The following KLHL32 variants were observed in gnomAD, a reference collection of about 807,000 sequenced individuals.
KLHL32 encodes kelch like family member 32, also known as kelch-like protein 32.
KLHL32 carries 35 observed loss-of-function variants against 64.8 expected under a neutral mutation model. The observed-to-expected ratio is 0.54, with a 90% CI of 0.41 to 0.72. The LOEUF is 0.72. KLHL32 is among the 30% of genes least tolerant of loss of function. The pLI is 0.00. For missense variants in KLHL32, 589 were observed against 768.5 expected (o/e 0.77, Z 2.76); for synonymous variants, 259 against 281.0 (o/e 0.92, Z 0.78).
chr6:96,946,952 T>G (rs1429446828), intron 1 of KLHL32, among the ~76,000 whole-genome samples: 1 of 145,514 alleles, frequency 6.9e-6, no homozygotes, highest in Non-Finnish European at 1.5e-5. Context: ...TTATTAACAG[T>G]GGGCACATAT....
chr6:97,082,339 A>C (rs117130336), intron 5 of KLHL32, among the ~76,000 whole-genome samples: 3,113 of 152,140 alleles, frequency 0.02, 41 homozygotes, highest in East Asian at 0.071. Flanking sequence ...TTAGGCTGGG[A>C]GCGGTGGCTC....
chr6:96,930,820 G>A (rs1769783086), intron 1 of KLHL32, among the ~76,000 whole-genome samples: 1 of 151,916 alleles, frequency 6.6e-6, no homozygotes, highest in South Asian at 2.1e-4. Flanking sequence ...GCATCGGCCT[G>A]GTCACAAGGA....
chr6:97,010,982 A>G (rs776016227), intron 3 of KLHL32, among the ~76,000 whole-genome samples: 16 of 152,324 alleles, frequency 1.1e-4, no homozygotes, highest in Admixed American at 7.2e-4. Flanking sequence ...GATCTTTAAC[A>G]CGTACACCTG....
At chr6:96,939,829 G>A (rs548628605) in intron 1 of KLHL32, among the ~76,000 whole-genome samples, 119 of 152,212 alleles carry the variant, frequency 7.8e-4, no homozygotes, top group African/African-American at 2.8e-3. Flanking sequence ...TGATTACAGG[G>A]GAACAGTAAT....
chr6:97,109,409 T>C (rs1796828805), intron 6 of KLHL32, among the ~76,000 whole-genome samples: 1 of 152,226 alleles, frequency 6.6e-6, no homozygotes, highest in Non-Finnish European at 1.5e-5. Context: ...GCACAAAATA[T>C]TCTGTAATAC....
At chr6:97,035,696 C>T (rs1056996599) in intron 3 of KLHL32, among the ~76,000 whole-genome samples, 1 of 152,138 alleles carries the variant, frequency 6.6e-6, no homozygotes, top group Admixed American at 6.5e-5. Flanking sequence ...AAAAAATCCA[C>T]TGATGTCTTA....
intron 4 of KLHL32, among the ~76,000 whole-genome samples, chr6:97,054,297 A>G (rs977014541): frequency 1.3e-5 from 2 of 152,202 alleles, no homozygotes; most frequent in Non-Finnish European, 2.9e-5. Context: ...TTATTTTTGT[A>G]TACTTCATAA....
At position 97,127,152 on chromosome 6, in the gene KLHL32, G is replaced by T. The variant is rs1413488896; in HGVS notation, c.1355-252G>T. Among the ~76,000 whole-genome samples the T allele has an allele frequency of 2.6e-5, 4 of 152,198 alleles. No homozygotes were observed. In the South Asian group the frequency reaches 6.2e-4, roughly 24 times the overall value. ...TCATTCTGGCCATGCAGAACAGCTT[G>T]TCAGAATTGGGGTCCTCTTGGTAAT... On this transcript the variant is annotated intron_variant, in intron 7 of 10. Transcript: ENST00000369261.
At chr6:97,136,519 G>C (rs1465832444) in intron 10 of KLHL32, among the ~76,000 whole-genome samples, 1 of 152,218 alleles carries the variant, frequency 6.6e-6, no homozygotes, top group Non-Finnish European at 1.5e-5. Flanking sequence ...TTTATTTAGT[G>C]GGTGTGTAAA....
At position 97,028,856 on chromosome 6, in the gene KLHL32, C is replaced by A. The variant is rs1332616839; in HGVS notation, c.205-12636C>A. ...AGAGGCAAATTTGTGATAGATAAAA[C>A]AATGGACTTCTTTGTATGGTGGGTA... On this transcript the variant is annotated intron_variant, in intron 3 of 10. Transcript: ENST00000369261. 2.0e-5 allele frequency among the ~76,000 whole-genome samples: 3 copies of A among 152,320 alleles called. No individual in the cohort carries two copies. In the East Asian group the frequency reaches 5.8e-4, roughly 29 times the overall value.
chr6:97,139,243 A>G lies in KLHL32; in HGVS notation c.1824A>G (p.Gln608=), dbSNP rs1479096317. Residue 608 remains glutamine, a synonymous_variant, in exon 11 of 11, where the codon CAA becomes CAG. Transcript: ENST00000369261. ...PAPYFTCPNL[Q]TLQVPHHRIG... ...CATATTTTACATGCCCTAACCTTCA[A>G]ACTCTTCAAGTGCCTCATCACAGGA... 6.2e-6 allele frequency: 10 copies of G among 1,613,966 alleles called. No individual in the cohort carries two copies. In the East Asian group the frequency reaches 1.8e-4, roughly 29 times the overall value.
chr6:96,957,802 G>A (rs1773436647), intron 1 of KLHL32, among the ~76,000 whole-genome samples: 1 of 152,140 alleles, frequency 6.6e-6, no homozygotes, highest in Admixed American at 6.5e-5. Context: ...TCATGAGGGT[G>A]ACTAGATACC....
At chr6:97,123,768 T>C (rs927971412) in intron 7 of KLHL32, among the ~76,000 whole-genome samples, 2 of 152,158 alleles carry the variant, frequency 1.3e-5, no homozygotes, top group African/African-American at 4.8e-5. Flanking sequence ...GGAATCTATC[T>C]TTGCAAGTGC....
chr6:97,055,183 T>G (rs1184269186), intron 4 of KLHL32, among the ~76,000 whole-genome samples: 2 of 152,150 alleles, frequency 1.3e-5, no homozygotes, highest in African/African-American at 4.8e-5. Context: ...TCTTCTCTTT[T>G]TAGAGACATT....
At chr6:97,021,274 A>G (rs1781952074) in intron 3 of KLHL32, among the ~76,000 whole-genome samples, 1 of 150,824 alleles carries the variant, frequency 6.6e-6, no homozygotes, top group African/African-American at 2.5e-5. Context: ...CCACATCACC[A>G]TGTAGTGAGG....
Position 96,976,048 on chromosome 6 carries a change from T to A in KLHL32, c.75T>A (p.Asn25Lys). The A allele has an allele frequency of 6.2e-7, 1 of 1,603,398 alleles. No individual in the cohort carries two copies. Among genetic ancestry groups the A allele is most frequent in the Non-Finnish European group, 8.5e-7 (1 of 1,172,160 alleles). ...GGCTCTGCCACTCCGAATCTCACAA[T>A]GACAGTGTCCTGGCAGCGCTGAATC... is the stretch of plus-strand genomic sequence containing the variant. ...GQRLCHSESH[N>K]DSVLAALNQQ... Residue 25 changes from asparagine to lysine, a missense_variant, in exon 3 of 11, where the codon AAT becomes AAA. Physicochemically the swap from Asn to Lys is moderately conservative, Grantham distance 94. Around this residue, in one of 3 missense-constraint regions of KLHL32, gnomAD observed 191 missense variants for 223.3 expected, o/e 0.86. Coordinates refer to ENST00000369261, the MANE Select transcript of KLHL32 (RefSeq NM_052904.4).
chr6:97,071,809 T>G (rs182839817), intron 5 of KLHL32, among the ~76,000 whole-genome samples: 2 of 152,336 alleles, frequency 1.3e-5, no homozygotes, highest in East Asian at 3.9e-4. Flanking sequence ...TCATTCGGGT[T>G]GGGACTATTT....
At chr6:97,131,003 A>G in intron 9 of KLHL32, 54 bp downstream of exon 9, 1 of 1,522,680 alleles carries the variant, frequency 6.6e-7, no homozygotes, top group Non-Finnish European at 9.0e-7. Flanking sequence ...AAGTCACCAA[A>G]CTTGTTTCAT....
intron 1 of KLHL32, among the ~76,000 whole-genome samples, chr6:96,958,195 A>G (rs1402670713): frequency 6.6e-6 from 1 of 152,168 alleles, no homozygotes; most frequent in African/African-American, 2.4e-5. Context: ...TAAAGAACTT[A>G]TTGTCTAGGG....
Sources: allele counts gnomAD v4.1 joint callset (sites outside exome capture counted in the v4.1 genomes callset), GRCh38; gene constraint gnomAD v4.1.1; regional missense constraint gnomAD v4.1.1; transcripts MANE v1.5; gene names NCBI Gene and HGNC (gene_info 2026-07-23, HGNC 2026-07-21).